NDUFA5: variants seen among roughly 807,000 people sequenced by gnomAD.
The protein encoded by NDUFA5 is NADH dehydrogenase [ubiquinone] 1 alpha subcomplex subunit 5.
In NDUFA5, 11 loss-of-function variants were observed where a neutral mutation model predicts 19.8. That is an observed-to-expected ratio of 0.56 (90% CI 0.35 to 0.92). NDUFA5 has a LOEUF of 0.92. NDUFA5 is among the 40% of genes least tolerant of loss of function. NDUFA5 has a pLI of 0.01. For synonymous variants in NDUFA5, 47 were observed against 46.8 expected (o/e 1.00, Z -0.01); for missense variants, 109 against 134.2 (o/e 0.81, Z 0.93).
At chr7:123,553,501 T>G (rs1246075645) in intron 2 of NDUFA5, among the ~76,000 whole-genome samples, 4 of 152,036 alleles carry the variant, frequency 2.6e-5, no homozygotes, top group Admixed American at 2.6e-4. Flanking sequence ...CAATTCAAGA[T>G]GAGATTTGGA....
At chr7:123,559,809 T>C (rs929251484), upstream of NDUFA5, among the ~76,000 whole-genome samples, 7 of 149,298 alleles carry the variant, frequency 4.7e-5, no homozygotes, top group Non-Finnish European at 7.4e-5. Flanking sequence ...TGAGCCAAGA[T>C]TGGGCCATTG....
chr7:123,563,567 AAG>A, the NDUFA5 span, among the ~76,000 whole-genome samples: 8 of 152,234 alleles, frequency 5.3e-5, no homozygotes, highest in African/African-American at 4.8e-5. Flanking sequence ...GAAATATTTC[AAG>A]AGTTACCAAA....
intron 2 of NDUFA5, 100 bp from the exon 3 acceptor site, chr7:123,550,686 T>G (rs34034388): frequency 0.088 from 36,593 of 416,102 alleles, 814 homozygotes; most frequent in Non-Finnish European, 0.11. Context: ...CTCACATCTG[T>G]TTTTTTTTTT....
chr7:123,575,895 T>G, the NDUFA5 span, among the ~76,000 whole-genome samples: 1 of 150,850 alleles, frequency 6.6e-6, no homozygotes. Context: ...TTCCCTGGCA[T>G]GCATAGTGTG....
At chr7:123,588,702 G>A in the NDUFA5 span, among the ~76,000 whole-genome samples, 1 of 150,702 alleles carries the variant, frequency 6.6e-6, no homozygotes, top group Admixed American at 6.6e-5. Flanking sequence ...TAACATAGGT[G>A]TTTACTGCTA....
chr7:123,575,600 T>C, the NDUFA5 span, among the ~76,000 whole-genome samples: 4 of 152,068 alleles, frequency 2.6e-5, no homozygotes, highest in Admixed American at 2.0e-4. Flanking sequence ...TCCCTACTAC[T>C]CCATTTGTCA....
upstream of NDUFA5, among the ~76,000 whole-genome samples, chr7:123,561,118 C>T (rs866325805): frequency 1.3e-5 from 2 of 152,124 alleles, no homozygotes; most frequent in Non-Finnish European, 2.9e-5. Flanking sequence ...GTTGATGTAG[C>T]GTTTCATCAC....
chr7:123,586,614 CA>C, the NDUFA5 span, among the ~76,000 whole-genome samples: 1 of 151,594 alleles, frequency 6.6e-6, no homozygotes, highest in Non-Finnish European at 1.5e-5. Flanking sequence ...GTGTCATATC[CA>C]AAAAATTATT....
At chr7:123,580,893 C>T in the NDUFA5 span, among the ~76,000 whole-genome samples, 1 of 151,882 alleles carries the variant, frequency 6.6e-6, no homozygotes, top group African/African-American at 2.4e-5. Context: ...GGTCAGAGAC[C>T]GTTCGGTTAA....
At chr7:123,580,370 C>A in the NDUFA5 span, among the ~76,000 whole-genome samples, 34,915 of 151,798 alleles carry the variant, frequency 0.23, 4,145 homozygotes, top group East Asian at 0.4. Context: ...GTGAGTGAAG[C>A]AGTCATCACA....
At chr7:123,583,771 T>C in the NDUFA5 span, among the ~76,000 whole-genome samples, 3 of 151,956 alleles carry the variant, frequency 2.0e-5, no homozygotes, top group Non-Finnish European at 4.4e-5. Context: ...CTTCATAATA[T>C]ACTGAGAAGC....
At chr7:123,548,518 C>T (rs1290208581) in intron 3 of NDUFA5, among the ~76,000 whole-genome samples, 3 of 152,042 alleles carry the variant, frequency 2.0e-5, no homozygotes, top group Non-Finnish European at 2.9e-5. Flanking sequence ...TACCAAACAA[C>T]GTAAAGGCAT....
chr7:123,567,480 T>C, the NDUFA5 span, among the ~76,000 whole-genome samples: 3 of 152,316 alleles, frequency 2.0e-5, no homozygotes, highest in East Asian at 5.8e-4. Context: ...TTATCCAAAA[T>C]TAAGTGTTGG....
upstream of NDUFA5, chr7:123,558,006 G>A (rs564762962): frequency 2.3e-4 from 170 of 738,128 alleles, no homozygotes; most frequent in Non-Finnish European, 3.6e-4. Flanking sequence ...AGCTAAGCTA[G>A]AAGACGATTG....
At chr7:123,582,583 C>G in the NDUFA5 span, among the ~76,000 whole-genome samples, 4 of 152,066 alleles carry the variant, frequency 2.6e-5, no homozygotes, top group South Asian at 8.3e-4. Flanking sequence ...CAGCATTCCC[C>G]CCAGATATGC....
chr7:123,553,306 G>A (rs79904137), intron 2 of NDUFA5, among the ~76,000 whole-genome samples: 2,840 of 152,348 alleles, frequency 0.019, 42 homozygotes, highest in African/African-American at 0.04. Flanking sequence ...TGAAAGAGGG[G>A]CAAAGGCTTG....
rs1387021109 is a variant in NDUFA5, at chr7:123,537,557, C to CTTA, written c.*4561_*4562insTAA. ...GGCATATACTTTACATTATGTAACA[C>CTTA]ATTAAGAGGGTCTGAGGAAGCAGTT... On this transcript the variant is annotated 3_prime_UTR_variant, in exon 5 of 5. Coordinates refer to ENST00000355749, the MANE Select transcript of NDUFA5 (RefSeq NM_005000.5). The CTTA allele has an allele frequency of 2.0e-5, 3 of 152,014 alleles. No homozygotes were observed. The highest frequency in any genetic ancestry group is 4.4e-5 in the Non-Finnish European group (3 of 67,986). The allele number at this position is 152,014 out of a possible 1,614,324, so 9.4% of individuals were successfully genotyped here. A position where few individuals can be genotyped will look rare whatever the true frequency, so the allele number is the denominator to read the frequency against.
At chr7:123,557,752 A>G (rs1339093594) in intron 1 of NDUFA5, 23 bp downstream of exon 1, 3 of 1,613,614 alleles carry the variant, frequency 1.9e-6, no homozygotes, top group African/African-American at 1.3e-5. Context: ...CTAAATTCCA[A>G]CAGTGACCTC....
chr7:123,545,585 A>T, intron 4 of NDUFA5, 26 bp downstream of exon 4: 1 of 1,587,586 alleles, frequency 6.3e-7, no homozygotes, highest in Non-Finnish European at 8.6e-7. Context: ...GAAACCAAAC[A>T]CCTAAATAGT....
Sources: gnomAD v4.1 joint callset for allele counts (sites outside exome capture counted in the v4.1 genomes callset) on GRCh38, gnomAD v4.1.1 for gene constraint, MANE v1.5 for transcripts, NCBI Gene and HGNC (gene_info 2026-07-23, HGNC 2026-07-21) for gene names.